Variants in DLC1 observed in about 807,000 individuals in gnomAD.
The protein encoded by DLC1 is DLC1 Rho GTPase activating protein, also known as rho GTPase-activating protein 7.
DLC1 carries 54 observed loss-of-function variants against 140.3 expected under a neutral mutation model. The ratio of observed to expected loss-of-function variants is 0.38; its 90% CI spans 0.31 to 0.48. The LOEUF is 0.48. Ranked by LOEUF, DLC1 falls within the 20% of genes least tolerant of loss-of-function variation. The probability of loss-of-function intolerance (pLI) is 0.96; values close to 1 mark genes in which losing one functional copy is unlikely to be tolerated. For missense variants in DLC1, 2,536 were observed against 1,907.0 expected (o/e 1.33, Z -6.14); for synonymous variants, 986 against 728.1 (o/e 1.35, Z -5.70).
intron 2 of DLC1, among the ~76,000 whole-genome samples, chr8:13,474,103 G>C (rs895640705): frequency 2.6e-5 from 4 of 152,186 alleles, no homozygotes; most frequent in African/African-American, 9.7e-5. Context: ...CAATGGCCCA[G>C]AGGCCTAGGA....
chr8:13,560,715 T>A (rs546655574), intron 1 of DLC1, among the ~76,000 whole-genome samples: 60 of 152,132 alleles, frequency 3.9e-4, no homozygotes, highest in African/African-American at 1.1e-3. Flanking sequence ...GAAAATCAGG[T>A]TGAAATGAAG....
At chr8:13,401,319 C>G (rs1837286009) in intron 3 of DLC1, 151 bp downstream of exon 3, 5 of 868,260 alleles carry the variant, frequency 5.8e-6, no homozygotes, top group African/African-American at 1.7e-5. Context: ...ATGCATGATG[C>G]ATAGAAGTAT....
intron 5 of DLC1, chr8:13,276,496 TTCAGGAGGCCG>T: frequency 7.6e-7 from 1 of 1,313,000 alleles, no homozygotes. Context: ...GTCGCCTGCC[TTCAGGAGGCCG>T]GCATTGCGGC....
At chr8:13,433,460 G>C (rs1484962330) in intron 2 of DLC1, among the ~76,000 whole-genome samples, 2 of 152,178 alleles carry the variant, frequency 1.3e-5, no homozygotes, top group African/African-American at 4.8e-5. Context: ...ACAAATGCCT[G>C]TCTCATATGT....
At chr8:13,463,454 T>C (rs1047882437) in intron 2 of DLC1, among the ~76,000 whole-genome samples, 3 of 152,240 alleles carry the variant, frequency 2.0e-5, no homozygotes, top group Middle Eastern at 3.2e-3. Context: ...AAAAGTCTGA[T>C]ACATATTCAG....
chr8:13,284,844 C>A (rs150654805), intron 5 of DLC1, among the ~76,000 whole-genome samples: 127 of 152,202 alleles, frequency 8.3e-4, no homozygotes, highest in Non-Finnish European at 1.5e-3. Flanking sequence ...AAAATTTGTA[C>A]ACTGAAAAAC....
At position 13,507,127 on chromosome 8, in the gene DLC1, C is replaced by G. The variant is rs1585221570; in HGVS notation, c.-125-6931G>C. Among the ~76,000 whole-genome samples, 4 of 152,226 alleles carry G rather than the reference C, an allele frequency of 2.6e-5. No individual in the cohort carries two copies. The South Asian group carries it at 8.3e-4, about 32-fold the overall frequency. On this transcript the variant is annotated intron_variant, in intron 1 of 17. Transcript: ENST00000276297. ...TCATTACAAAGAGCATTTGTGGAAGCCAAAATGAAACCCATTTTCTTAATG... is the reference window on the plus strand; with the variant it reads ...TCATTACAAAGAGCATTTGTGGAAGGCAAAATGAAACCCATTTTCTTAATG...
At chr8:13,188,498 G>A (rs1333985406) in intron 5 of DLC1, among the ~76,000 whole-genome samples, 2 of 149,058 alleles carry the variant, frequency 1.3e-5, no homozygotes, top group East Asian at 2.0e-4. Context: ...GAGTTGAGAG[G>A]GACTTTCTAT....
At chr8:13,447,557 A>G (rs988457105) in intron 2 of DLC1, among the ~76,000 whole-genome samples, 1 of 152,196 alleles carries the variant, frequency 6.6e-6, no homozygotes, top group Non-Finnish European at 1.5e-5. Flanking sequence ...TCTACATCTC[A>G]ATACTATTTT....
At chr8:13,191,670 C>T (rs1021672518) in intron 5 of DLC1, among the ~76,000 whole-genome samples, 2 of 152,068 alleles carry the variant, frequency 1.3e-5, no homozygotes, top group Admixed American at 1.3e-4. Flanking sequence ...TTCTGTGCTC[C>T]TTAATTTTAT....
At chr8:13,147,524 T>C (rs1407140203) in intron 5 of DLC1, among the ~76,000 whole-genome samples, 1 of 152,186 alleles carries the variant, frequency 6.6e-6, no homozygotes, top group Non-Finnish European at 1.5e-5. Context: ...ATTTCACAGT[T>C]CTGGAGCGGG....
intron 6 of DLC1, among the ~76,000 whole-genome samples, chr8:13,114,009 T>C (rs1309465654): frequency 6.6e-6 from 1 of 152,248 alleles, no homozygotes; most frequent in Non-Finnish European, 1.5e-5. Context: ...ATGCATTAGT[T>C]CATAGCTGTA....
intron 1 of DLC1, among the ~76,000 whole-genome samples, chr8:13,583,337 A>T (rs1179662439): frequency 6.6e-6 from 1 of 152,166 alleles, no homozygotes; most frequent in East Asian, 1.9e-4. Flanking sequence ...CAGCATCTTC[A>T]TCAGGAGTAG....
At chr8:13,312,083 C>A (rs112714486) in intron 4 of DLC1, among the ~76,000 whole-genome samples, 6,696 of 131,350 alleles carry the variant, frequency 0.051, 547 homozygotes, top group South Asian at 0.09. Context: ...TTCTTTAGGC[C>A]GGGCGCGGTG....
intron 2 of DLC1, among the ~76,000 whole-genome samples, chr8:13,476,436 A>G (rs977891275): frequency 6.6e-6 from 1 of 150,568 alleles, no homozygotes; most frequent in African/African-American, 2.4e-5. Context: ...GAGATGAGAC[A>G]TATTTTCATT....
chr8:13,476,284 T>C (rs1270553652), intron 2 of DLC1, among the ~76,000 whole-genome samples: 1 of 152,234 alleles, frequency 6.6e-6, no homozygotes, highest in Admixed American at 6.5e-5. Context: ...ATCATTATAC[T>C]AATTATCCCA....
chr8:13,344,180 T>C (rs1048829642), intron 4 of DLC1, among the ~76,000 whole-genome samples: 2 of 152,230 alleles, frequency 1.3e-5, no homozygotes, highest in African/African-American at 4.8e-5. Flanking sequence ...ATGAATTAGC[T>C]ATAGTTCCTA....
chr8:13,272,085 CCTT>C (rs1160537050), intron 5 of DLC1, among the ~76,000 whole-genome samples: 1 of 152,136 alleles, frequency 6.6e-6, no homozygotes, highest in Non-Finnish European at 1.5e-5. Context: ...AGAAGAAATC[CCTT>C]CTTTTAAAAA....
At chr8:13,588,976 A>G (rs1805425152) in intron 1 of DLC1, among the ~76,000 whole-genome samples, 1 of 152,104 alleles carries the variant, frequency 6.6e-6, no homozygotes, top group African/African-American at 2.4e-5. Flanking sequence ...TTGCCCTCAC[A>G]TTCCTATAAG....
Sources: gnomAD v4.1 joint callset for allele counts (sites outside exome capture counted in the v4.1 genomes callset) on GRCh38, gnomAD v4.1.1 for gene constraint, MANE v1.5 for transcripts, NCBI Gene and HGNC (gene_info 2026-07-23, HGNC 2026-07-21) for gene names.